The following KIF26B variants were observed in gnomAD, a reference collection of about 807,000 sequenced individuals.
KIF26B encodes kinesin-like protein KIF26B.
In KIF26B, 63 loss-of-function variants were observed where a neutral mutation model predicts 151.2. The ratio of observed to expected loss-of-function variants is 0.42; its 90% CI spans 0.34 to 0.51. The LOEUF (loss-of-function observed/expected upper bound fraction) is 0.51. Ranked by LOEUF, KIF26B falls within the 20% of genes least tolerant of loss-of-function variation. The probability of loss-of-function intolerance (pLI) is 0.07; values close to 1 mark genes in which losing one functional copy is unlikely to be tolerated. For missense variants in KIF26B, 2,813 were observed against 2,913.6 expected (o/e 0.97, Z 0.79); for synonymous variants, 1,357 against 1,262.1 (o/e 1.08, Z -1.59).
intron 4 of KIF26B, among the ~76,000 whole-genome samples, chr1:245,435,559 A>G (rs1353568487): frequency 6.6e-6 from 1 of 152,234 alleles, no homozygotes; most frequent in Non-Finnish European, 1.5e-5. Flanking sequence ...CTCAACTCTT[A>G]GAACAGGGGC....
At chr1:245,392,698 T>G (rs1039197619) in intron 3 of KIF26B, among the ~76,000 whole-genome samples, 2 of 152,220 alleles carry the variant, frequency 1.3e-5, no homozygotes, top group Non-Finnish European at 2.9e-5. Context: ...CAGGGATGTC[T>G]TTTGGCGTGG....
chr1:245,303,343 T>A (rs373240052), intron 2 of KIF26B, among the ~76,000 whole-genome samples: 1 of 150,232 alleles, frequency 6.7e-6, no homozygotes, highest in Non-Finnish European at 1.5e-5. Context: ...GGACTACAGG[T>A]GCCCGCCACC....
chr1:245,176,136 A>T lies in KIF26B; in HGVS notation c.465+19453A>T, dbSNP rs926769306. Among the ~76,000 whole-genome samples the T allele has an allele frequency of 1.8e-4, 28 of 152,070 alleles. 1 individual carries two copies. The highest frequency in any genetic ancestry group is 1.6e-4 in the Non-Finnish European group (11 of 67,964). On this transcript the variant is annotated intron_variant, in intron 2 of 14. Transcript: ENST00000407071. ...TGCCTCAGCCTCCCGAGTAGCTGGG[A>T]TTACATGCATGAGTCACCACGCCCA...
intron 2 of KIF26B, among the ~76,000 whole-genome samples, chr1:245,302,683 G>A (rs949606200): frequency 2.0e-5 from 3 of 152,090 alleles, no homozygotes; most frequent in Non-Finnish European, 4.4e-5. Context: ...ACATAAGGAA[G>A]TACGTGGCAA....
At chr1:245,553,237 C>G (rs552747014) in intron 5 of KIF26B, among the ~76,000 whole-genome samples, 1 of 152,222 alleles carries the variant, frequency 6.6e-6, no homozygotes, top group Non-Finnish European at 1.5e-5. Flanking sequence ...TGCCCAGCAT[C>G]ACATGCCTGG....
At chr1:245,359,387 A>G (rs1672767011) in intron 2 of KIF26B, among the ~76,000 whole-genome samples, 2 of 152,238 alleles carry the variant, frequency 1.3e-5, no homozygotes, top group South Asian at 4.1e-4. Flanking sequence ...CAGTTAGTTG[A>G]TGGGTCTGTG....
intron 5 of KIF26B, among the ~76,000 whole-genome samples, chr1:245,545,727 T>C (rs1447813449): frequency 6.6e-6 from 1 of 152,252 alleles, no homozygotes; most frequent in Non-Finnish European, 1.5e-5. Context: ...TTAGTCCCCA[T>C]TCATATTTCA....
chr1:245,675,468 C>T (rs2044347029), intron 10 of KIF26B, among the ~76,000 whole-genome samples: 1 of 152,172 alleles, frequency 6.6e-6, no homozygotes, highest in Non-Finnish European at 1.5e-5. Context: ...ATAACAAAGG[C>T]ACTCCCAGTG....
rs754122914 is a variant in KIF26B at position 245,511,011 on chromosome 1, G to T, written c.1167-29756G>T. ...GCACAATTTTACTTTCTCCTGAGAT[G>T]GCCCCAGATCTGCAAGAGACATTTG... On this transcript the variant is annotated intron_variant, in intron 4 of 14. Transcript: ENST00000407071. The T allele has an allele frequency of 5.8e-6, 4 of 694,164 alleles. No homozygotes were observed. In the Admixed American group the frequency reaches 9.0e-5, roughly 16 times the overall value. The allele number at this position is 694,164 out of a possible 1,614,324, so 43.0% of individuals were successfully genotyped here.
At chr1:245,280,597 G>GGTT (rs1558373175) in intron 2 of KIF26B, among the ~76,000 whole-genome samples, 3 of 104,490 alleles carry the variant, frequency 2.9e-5, no homozygotes, top group South Asian at 3.3e-4. Flanking sequence ...GGAAGTTTTC[G>GGTT]TTTTTTTTTT....
intron 5 of KIF26B, among the ~76,000 whole-genome samples, chr1:245,574,877 T>A (rs1465676271): frequency 7.9e-6 from 1 of 126,994 alleles, no homozygotes; most frequent in Non-Finnish European, 1.7e-5. Flanking sequence ...TTTTTTTTTT[T>A]TTTTGAGACA....
At chr1:245,428,393 T>G (rs1658697173) in intron 4 of KIF26B, among the ~76,000 whole-genome samples, 1 of 152,156 alleles carries the variant, frequency 6.6e-6, no homozygotes, top group Non-Finnish European at 1.5e-5. Context: ...GAAAACAGTC[T>G]CAGGCATTTG....
rs1444711983 is a variant in KIF26B at position 245,394,684 on chromosome 1, C to CTTTTTTTTTTTTTTTTTTTTTTTTTT, written c.1000-24892_1000-24891insTTTTTTTTTTTTTTTTTTTTTTTTTT. On this transcript the variant is annotated intron_variant, in intron 3 of 14. Coordinates refer to ENST00000407071, the MANE Select transcript of KIF26B (RefSeq NM_018012.4). ...TTAAAAAGTACCTTCAAGTTTTTTT[C>CTTTTTTTTTTTTTTTTTTTTTTTTTT]TTTCTTTTTTTTTTTTTTTTTTTGA... Among the ~76,000 whole-genome samples the CTTTTTTTTTTTTTTTTTTTTTTTTTT allele has an allele frequency of 2.4e-5, 3 of 124,400 alleles. 1 individual carries two copies. Among genetic ancestry groups the CTTTTTTTTTTTTTTTTTTTTTTTTTT allele is most frequent in the African/African-American group, 7.9e-5 (2 of 25,224 alleles). The allele number at this position is 124,400 out of a possible 152,430, so 81.6% of individuals were successfully genotyped here. A position where few individuals can be genotyped will look rare whatever the true frequency, so the allele number is the denominator to read the frequency against.
chr1:245,644,544 C>A (rs1251479024), intron 9 of KIF26B, among the ~76,000 whole-genome samples: 1 of 152,138 alleles, frequency 6.6e-6, no homozygotes, highest in Non-Finnish European at 1.5e-5. Context: ...TTTTAGAATG[C>A]AGTTGCATTA....
chr1:245,608,331 C>A (rs564237998), intron 7 of KIF26B, among the ~76,000 whole-genome samples: 1 of 152,332 alleles, frequency 6.6e-6, no homozygotes, highest in East Asian at 1.9e-4. Flanking sequence ...CTTGCCCTTA[C>A]ACGCTTGATA....
intron 2 of KIF26B, among the ~76,000 whole-genome samples, chr1:245,308,693 G>A (rs149125024): frequency 1.3e-5 from 2 of 152,204 alleles, no homozygotes; most frequent in East Asian, 3.9e-4. Context: ...AGCTGTGATT[G>A]CACCACTTCA....
At chr1:245,433,174 G>A (rs1205109991) in intron 4 of KIF26B, among the ~76,000 whole-genome samples, 1 of 152,060 alleles carries the variant, frequency 6.6e-6, no homozygotes, top group African/African-American at 2.4e-5. Flanking sequence ...ATATTTAAAA[G>A]CAGCTATGGA....
intron 10 of KIF26B, among the ~76,000 whole-genome samples, chr1:245,678,403 C>T (rs1208617225): frequency 2.0e-5 from 3 of 152,128 alleles, no homozygotes; most frequent in Non-Finnish European, 4.4e-5. Flanking sequence ...GGGATGGTTA[C>T]TGGAATCGAT....
At chr1:245,645,458 G>A (rs1261604476) in intron 9 of KIF26B, among the ~76,000 whole-genome samples, 1 of 152,120 alleles carries the variant, frequency 6.6e-6, no homozygotes, top group Non-Finnish European at 1.5e-5. Flanking sequence ...GGTATTCATG[G>A]GCAAGTTGCT....
Sources: allele counts gnomAD v4.1 joint callset (sites outside exome capture counted in the v4.1 genomes callset), GRCh38; gene constraint gnomAD v4.1.1; transcripts MANE v1.5; gene names NCBI Gene and HGNC (gene_info 2026-07-23, HGNC 2026-07-21).